CEP57L1: variants seen among roughly 807,000 people sequenced by gnomAD.
CEP57L1 encodes the protein centrosomal protein 57 like 1.
A neutral mutation model predicts 61.0 loss-of-function variants in CEP57L1; 37 were observed. The observed-to-expected ratio is 0.61, with a 90% CI of 0.47 to 0.80. The LOEUF is 0.80. Ranked by LOEUF, CEP57L1 falls within the 30% of genes least tolerant of loss-of-function variation. The probability of loss-of-function intolerance (pLI) is 0.00; values close to 1 mark genes in which losing one functional copy is unlikely to be tolerated. For synonymous variants in CEP57L1, 137 were observed against 162.3 expected, an observed-to-expected ratio of 0.84 and a Z score of 1.19; for missense variants, 422 against 524.7, an observed-to-expected ratio of 0.80 and a Z score of 1.91.
At chr6:109,136,560 A>G (rs189338621) in intron 1 of CEP57L1, among the ~76,000 whole-genome samples, 984 of 58,314 alleles carry the variant, frequency 0.017, 16 homozygotes, top group African/African-American at 0.053. Context: ...AACTATAAGT[A>G]TAAAAAAAAA....
intron 1 of CEP57L1, 26 bp downstream of exon 1, chr6:109,095,601 C>T (rs1781593520): frequency 1.0e-6 from 1 of 984,344 alleles, no homozygotes; most frequent in African/African-American, 1.7e-5. Context: ...TGGGTTGTCA[C>T]CTTTCCTTGA....
intron 1 of CEP57L1, among the ~76,000 whole-genome samples, chr6:109,110,650 T>C (rs1706223971): frequency 6.6e-6 from 1 of 152,258 alleles, no homozygotes. Flanking sequence ...AGGGTTTTTA[T>C]GATTTTAGGT....
At chr6:109,099,618 C>T (rs1279024181) in intron 1 of CEP57L1, among the ~76,000 whole-genome samples, 8 of 152,006 alleles carry the variant, frequency 5.3e-5, no homozygotes, top group Non-Finnish European at 4.4e-5. Flanking sequence ...GGCGCTATCT[C>T]GGCTTATTGC....
intron 1 of CEP57L1, among the ~76,000 whole-genome samples, chr6:109,101,971 T>G: frequency 6.6e-6 from 1 of 152,192 alleles, no homozygotes; most frequent in East Asian, 1.9e-4. Context: ...CACCAATGAA[T>G]GAGAGTTCCT....
intron 1 of CEP57L1, among the ~76,000 whole-genome samples, chr6:109,128,512 C>T (rs1374855681): frequency 6.6e-6 from 1 of 152,186 alleles, no homozygotes; most frequent in Admixed American, 6.5e-5. Flanking sequence ...ATTTCTTCCT[C>T]CTTTTGTCTG....
At chr6:109,127,337 CT>C (rs1055912966) in intron 1 of CEP57L1, among the ~76,000 whole-genome samples, 13 of 152,084 alleles carry the variant, frequency 8.5e-5, no homozygotes, top group African/African-American at 3.1e-4. Context: ...CTTCCCTTTT[CT>C]TTTTTCTCCA....
chr6:109,097,017 A>G (rs1297466657), intron 1 of CEP57L1, among the ~76,000 whole-genome samples: 1 of 152,202 alleles, frequency 6.6e-6, no homozygotes, highest in Non-Finnish European at 1.5e-5. Context: ...CTCAAACTCA[A>G]CATACCTAAA....
intron 1 of CEP57L1, among the ~76,000 whole-genome samples, chr6:109,114,197 C>T (rs1772012197): frequency 6.6e-6 from 1 of 152,156 alleles, no homozygotes; most frequent in African/African-American, 2.4e-5. Context: ...GTTTCTTTTT[C>T]TCCACATCCT....
At chr6:109,143,553 T>C (rs1771647363) in intron 1 of CEP57L1, among the ~76,000 whole-genome samples, 1 of 152,174 alleles carries the variant, frequency 6.6e-6, no homozygotes, top group Admixed American at 6.6e-5. Context: ...ATTATTCTGC[T>C]TGTGCCCACT....
chr6:109,098,305 AC>A (rs1233698962), intron 1 of CEP57L1, among the ~76,000 whole-genome samples: 1 of 152,028 alleles, frequency 6.6e-6, no homozygotes, highest in Non-Finnish European at 1.5e-5. Context: ...GCACCACCAT[AC>A]CTGGCTAATT....
chr6:109,130,088 T>G (rs536542741), intron 1 of CEP57L1, among the ~76,000 whole-genome samples: 1 of 152,304 alleles, frequency 6.6e-6, no homozygotes, highest in Non-Finnish European at 1.5e-5. Flanking sequence ...TATGCTTTTG[T>G]TATGGAACCA....
intron 1 of CEP57L1, among the ~76,000 whole-genome samples, chr6:109,100,671 T>TTA (rs1782272293): frequency 6.3e-5 from 3 of 47,386 alleles, no homozygotes; most frequent in African/African-American, 3.3e-4. Context: ...TGAGATTGTC[T>TTA]CAAAAAAAAA....
chr6:109,152,631 G>GC (rs1772746190), intron 4 of CEP57L1, among the ~76,000 whole-genome samples: 1 of 107,224 alleles, frequency 9.3e-6, no homozygotes, highest in Admixed American at 1.1e-4. Flanking sequence ...ATATAGATGT[G>GC]CGTGCGTGTG....
chr6:109,098,719 A>T (rs1164144540), intron 1 of CEP57L1, among the ~76,000 whole-genome samples: 1 of 151,738 alleles, frequency 6.6e-6, no homozygotes, highest in African/African-American at 2.4e-5. Context: ...TCCTCAAGTG[A>T]TTGCCTCAAG....
rs1381286987 is a variant in CEP57L1, at chr6:109,167,865, C to G, written c.*4895C>G. On this transcript the variant is annotated 3_prime_UTR_variant, in exon 11 of 11. Transcript: ENST00000517392. ...ATATTGGTATGTTTGACTTGTTCAT[C>G]AGTGAGTATTTATTGATCTCTAATT... 1.3e-5 allele frequency among the ~76,000 whole-genome samples: 2 copies of G among 152,152 alleles called. No individual in the cohort carries two copies. The highest frequency in any genetic ancestry group is 2.9e-5 in the Non-Finnish European group (2 of 68,034).
chr6:109,101,109 GA>G (rs905435004), intron 1 of CEP57L1, among the ~76,000 whole-genome samples: 20 of 151,958 alleles, frequency 1.3e-4, no homozygotes, highest in Non-Finnish European at 2.2e-4. Flanking sequence ...TCTGTCTTAG[GA>G]AAAAAACAAA....
chr6:109,123,087 C>A (rs1039657466), intron 1 of CEP57L1, among the ~76,000 whole-genome samples: 1 of 152,088 alleles, frequency 6.6e-6, no homozygotes, highest in African/African-American at 2.4e-5. Context: ...AATAAAAATT[C>A]TCAGGGTATT....
intron 1 of CEP57L1, among the ~76,000 whole-genome samples, chr6:109,098,126 C>T (rs1781933301): frequency 1.3e-5 from 2 of 151,936 alleles, no homozygotes; most frequent in East Asian, 3.9e-4. Context: ...GACTACTTTT[C>T]TCTCTCTCTC....
At chr6:109,104,692 C>T (rs1190030462) in intron 1 of CEP57L1, among the ~76,000 whole-genome samples, 1 of 152,164 alleles carries the variant, frequency 6.6e-6, no homozygotes, top group African/African-American at 2.4e-5. Context: ...AAACGATCCT[C>T]CCACCTCTGC....
Sources: allele counts gnomAD v4.1 joint callset (sites outside exome capture counted in the v4.1 genomes callset), GRCh38; gene constraint gnomAD v4.1.1; transcripts MANE v1.5; gene names NCBI Gene and HGNC (gene_info 2026-07-23, HGNC 2026-07-21).